The following TANC2 variants were observed in gnomAD, a reference collection of about 807,000 sequenced individuals.
The protein encoded by TANC2 is tetratricopeptide repeat, ankyrin repeat and coiled-coil containing 2.
A neutral mutation model predicts 210.5 loss-of-function variants in TANC2; 26 were observed. The ratio of observed to expected loss-of-function variants is 0.12; its 90% CI spans 0.09 to 0.17. The LOEUF (loss-of-function observed/expected upper bound fraction) is 0.17, where lower values mean the gene tolerates loss of function less well. Among genes scored for constraint, TANC2 ranks in the 10% least tolerant of loss-of-function variants. The probability of loss-of-function intolerance (pLI) is 1.00; values close to 1 mark genes in which losing one functional copy is unlikely to be tolerated. For synonymous variants in TANC2, 931 were observed against 967.1 expected (o/e 0.96, Z 0.69); for missense variants, 2,129 against 2,608.9 (o/e 0.82, Z 4.01).
At chr17:63,077,677 G>A (rs766076806) in intron 3 of TANC2, among the ~76,000 whole-genome samples, 2 of 152,168 alleles carry the variant, frequency 1.3e-5, no homozygotes, top group Non-Finnish European at 2.9e-5. Context: ...GATAAATAAT[G>A]TGTAAGAAAG....
intron 5 of TANC2, among the ~76,000 whole-genome samples, chr17:63,189,504 C>G (rs1469462648): frequency 1.3e-5 from 2 of 152,178 alleles, no homozygotes; most frequent in Non-Finnish European, 1.5e-5. Context: ...CCCTTAATGA[C>G]TAATTATGTC....
chr17:63,239,603 A>G (rs2042718314), intron 8 of TANC2, among the ~76,000 whole-genome samples: 1 of 152,182 alleles, frequency 6.6e-6, no homozygotes, highest in South Asian at 2.1e-4. Context: ...ATTAATTGTT[A>G]AAGATTATTC....
At chr17:63,036,653 G>T (rs533667116) in intron 2 of TANC2, among the ~76,000 whole-genome samples, 1 of 152,092 alleles carries the variant, frequency 6.6e-6, no homozygotes, top group Non-Finnish European at 1.5e-5. Context: ...GATCCTTCTG[G>T]GATTTGGGGT....
intron 8 of TANC2, among the ~76,000 whole-genome samples, chr17:63,259,993 A>C (rs992333839): frequency 2.0e-5 from 3 of 152,236 alleles, no homozygotes; most frequent in Non-Finnish European, 2.9e-5. Context: ...TATGATATAC[A>C]GGGTACATTA....
At chr17:63,311,198 A>G (rs1208986531) in intron 9 of TANC2, among the ~76,000 whole-genome samples, 2 of 152,228 alleles carry the variant, frequency 1.3e-5, no homozygotes, top group Admixed American at 6.5e-5. Flanking sequence ...AGCTGTGATT[A>G]TAACAGTGGA....
chr17:63,035,891 T>C (rs1381337802), intron 2 of TANC2, among the ~76,000 whole-genome samples: 1 of 152,176 alleles, frequency 6.6e-6, no homozygotes, highest in Admixed American at 6.6e-5. Flanking sequence ...GTAAAAAATT[T>C]TAGCTATTCT....
At chr17:63,180,156 A>G (rs2040731685) in intron 5 of TANC2, among the ~76,000 whole-genome samples, 1 of 151,908 alleles carries the variant, frequency 6.6e-6, no homozygotes, top group Admixed American at 6.6e-5. Context: ...AACAAAAATA[A>G]TGGCTTCCCT....
At chr17:63,059,731 C>A (rs1169349993) in intron 2 of TANC2, among the ~76,000 whole-genome samples, 1 of 151,882 alleles carries the variant, frequency 6.6e-6, no homozygotes, top group South Asian at 2.1e-4. Context: ...GATCTCCTGG[C>A]CAGTGAGACC....
chr17:62,990,993 G>C (rs936255310), intron 1 of TANC2, among the ~76,000 whole-genome samples: 1 of 152,136 alleles, frequency 6.6e-6, no homozygotes, highest in African/African-American at 2.4e-5. Context: ...GTTGAGATTT[G>C]CAAGCATAGA....
chr17:63,240,666 G>A (rs1470412594), intron 8 of TANC2, among the ~76,000 whole-genome samples: 3 of 152,158 alleles, frequency 2.0e-5, no homozygotes, highest in Admixed American at 2.0e-4. Flanking sequence ...TTAATTTAAT[G>A]TTTTGCTGTT....
intron 1 of TANC2, among the ~76,000 whole-genome samples, chr17:62,978,142 T>G (rs1023283936): frequency 6.6e-6 from 1 of 152,212 alleles, no homozygotes; most frequent in African/African-American, 2.4e-5. Flanking sequence ...TAAACATTAG[T>G]TCACTCTTAT....
chr17:63,301,892 C>G (rs1377175822), intron 9 of TANC2, among the ~76,000 whole-genome samples: 2 of 152,130 alleles, frequency 1.3e-5, no homozygotes, highest in Non-Finnish European at 2.9e-5. Flanking sequence ...TGAGATCTTT[C>G]TGGCTTTCTG....
At chr17:63,255,067 ATTTAT>A (rs2043150967) in intron 8 of TANC2, among the ~76,000 whole-genome samples, 1 of 90,904 alleles carries the variant, frequency 1.1e-5, no homozygotes, top group South Asian at 2.8e-4. Context: ...TTTTTTATTT[ATTTAT>A]TTATTTATTT....
At chr17:63,056,989 G>GTT (rs549114783) in intron 2 of TANC2, among the ~76,000 whole-genome samples, 1 of 143,850 alleles carries the variant, frequency 7.0e-6, no homozygotes, top group Admixed American at 6.9e-5. Context: ...GGATTTTTTT[G>GTT]TTTTTTTTTT....
At chr17:63,071,762 A>G (rs1352765044) in intron 2 of TANC2, among the ~76,000 whole-genome samples, 1 of 152,158 alleles carries the variant, frequency 6.6e-6, no homozygotes, top group African/African-American at 2.4e-5. Context: ...GAATGCCTCT[A>G]TTCTGTAAAG....
At position 63,420,943 on chromosome 17, in the gene TANC2, G is replaced by T; in HGVS notation, c.5213G>T (p.Ser1738Ile). Residue 1738 changes from serine to isoleucine, a missense_variant, in exon 28 of 28, where the codon AGC becomes ATC. By Grantham distance (142) the Ser-to-Ile change is moderately radical. Around this residue, in one of 5 missense-constraint regions of TANC2, gnomAD observed 584 missense variants for 627.3 expected, o/e 0.93. Transcript: ENST00000689528. The surrounding 1 kb of genome is among the most constrained non-coding windows in gnomAD (Gnocchi z 4.2). The stretch of plus-strand genomic sequence containing the variant: ...TCTTCACAAGGAGACATAGGAGTCA[G>T]CCAGAGCCGGTTGGTTTATCAAGGG... 1 of 1,614,036 alleles carries T rather than the reference G, an allele frequency of 6.2e-7. No individual in the cohort carries two copies. The highest frequency in any genetic ancestry group is 1.1e-5 in the South Asian group (1 of 91,088).
chr17:63,408,706 C>T (rs2048595046), intron 21 of TANC2, among the ~76,000 whole-genome samples: 1 of 152,202 alleles, frequency 6.6e-6, no homozygotes, highest in South Asian at 2.1e-4. Context: ...CTCTAATGAC[C>T]TCCAGAGATG....
chr17:62,968,765 A>G (rs2031513541), intron 1 of TANC2, among the ~76,000 whole-genome samples: 1 of 151,728 alleles, frequency 6.6e-6, no homozygotes, highest in Non-Finnish European at 1.5e-5. Context: ...TGAATCACCT[A>G]TTTTCTTCAG....
intron 14 of TANC2, among the ~76,000 whole-genome samples, chr17:63,373,379 A>G (rs959795511): frequency 1.3e-5 from 2 of 152,256 alleles, no homozygotes; most frequent in Admixed American, 6.5e-5. Flanking sequence ...TTCAGAGTTT[A>G]TACTATACAA....
Sources: gnomAD v4.1 joint callset for allele counts (sites outside exome capture counted in the v4.1 genomes callset) on GRCh38, gnomAD v4.1.1 for gene constraint, gnomAD v4.1.1 regional missense constraint, Gnocchi (gnomAD v3.1) non-coding constraint, MANE v1.5 for transcripts, NCBI Gene and HGNC (gene_info 2026-07-23, HGNC 2026-07-21) for gene names.